The following BMPR1B variants were observed in gnomAD, a reference collection of about 807,000 sequenced individuals.
BMPR1B encodes bone morphogenetic protein receptor type 1B.
In BMPR1B, 12 loss-of-function variants were observed where a neutral mutation model predicts 59.1. The ratio of observed to expected loss-of-function variants is 0.20; its 90% CI spans 0.13 to 0.33. The LOEUF is 0.33. Among genes scored for constraint, BMPR1B ranks in the 10% least tolerant of loss-of-function variants. BMPR1B has a pLI of 1.00. For synonymous variants in BMPR1B, 237 were observed against 207.3 expected (o/e 1.14, Z -1.23); for missense variants, 550 against 610.9 (o/e 0.90, Z 1.05).
intron 3 of BMPR1B, among the ~76,000 whole-genome samples, chr4:95,076,025 G>A (rs1728681230): frequency 2.0e-5 from 3 of 152,078 alleles, no homozygotes; most frequent in South Asian, 2.1e-4. Flanking sequence ...ATATTTTTGT[G>A]TAAATACTAA....
chr4:94,775,488 A>G (rs1199339129), intron 1 of BMPR1B, among the ~76,000 whole-genome samples: 1 of 152,226 alleles, frequency 6.6e-6, no homozygotes, highest in Admixed American at 6.5e-5. Flanking sequence ...CCAATTTAAG[A>G]TATTTCCATC....
intron 10 of BMPR1B, among the ~76,000 whole-genome samples, chr4:95,140,033 C>T (rs894898413): frequency 5.7e-4 from 87 of 152,306 alleles, no homozygotes; most frequent in African/African-American, 2.0e-3. Context: ...GAGCTATAGA[C>T]TGGAGCTGTT....
At chr4:94,977,985 C>A (rs1195997566) in intron 2 of BMPR1B, among the ~76,000 whole-genome samples, 1 of 151,972 alleles carries the variant, frequency 6.6e-6, no homozygotes, top group Non-Finnish European at 1.5e-5. Flanking sequence ...TATTTTTTTT[C>A]TAGTACATAA....
intron 1 of BMPR1B, among the ~76,000 whole-genome samples, chr4:94,870,928 C>A (rs911735273): frequency 2.0e-5 from 3 of 151,974 alleles, no homozygotes; most frequent in African/African-American, 7.3e-5. Context: ...AGCTGAACAT[C>A]CCAAGTTCTC....
chr4:95,154,823 C>T lies in BMPR1B; in HGVS notation c.*150C>T, dbSNP rs1030233577. The T allele has an allele frequency of 2.6e-5, 28 of 1,082,002 alleles. No individual in the cohort carries two copies. The highest frequency in any genetic ancestry group is 3.3e-5 in the Non-Finnish European group (24 of 736,364). The allele number at this position is 1,082,002 out of a possible 1,614,324, so 67.0% of individuals were successfully genotyped here. On this transcript the variant is annotated 3_prime_UTR_variant, in exon 13 of 13. Transcript: ENST00000515059. ...GGTTCAGACCTCACCTCTCAGGGAG[C>T]GACCTGGGCAAAGACAGAGAAGCTC... is the stretch of plus-strand genomic sequence containing the variant.
At chr4:95,136,459 T>G (rs1733795323) in intron 10 of BMPR1B, among the ~76,000 whole-genome samples, 2 of 152,294 alleles carry the variant, frequency 1.3e-5, no homozygotes, top group South Asian at 4.1e-4. Flanking sequence ...CTCTTTCTGT[T>G]GATTGGAATA....
chr4:94,995,707 A>G (rs1175112001), intron 2 of BMPR1B: 3 of 152,192 alleles, frequency 2.0e-5, no homozygotes, highest in Non-Finnish European at 2.9e-5. Context: ...GGGCCTCAGG[A>G]AAGGCCCATA....
rs770040602 is a variant in BMPR1B, at chr4:94,765,001, C to T, written c.-183+6933C>T. 1.1e-3 allele frequency among the ~76,000 whole-genome samples: 172 copies of T among 152,110 alleles called. 1 individual carries two copies. Among genetic ancestry groups the T allele is most frequent in the Non-Finnish European group, 2.0e-3 (138 of 67,974 alleles). ...TAAACGGTGCAGCAGTAGAGAGTAA[C>T]GGGGGGACTATCATTTACTGAAGAT... On this transcript the variant is annotated intron_variant, in intron 1 of 12. Coordinates refer to ENST00000515059, the MANE Select transcript of BMPR1B (RefSeq NM_001203.3).
intron 1 of BMPR1B, among the ~76,000 whole-genome samples, chr4:94,780,736 T>A (rs1279612217): frequency 7.3e-6 from 1 of 137,478 alleles, no homozygotes; most frequent in Non-Finnish European, 1.5e-5. Context: ...TCGCCCAGGC[T>A]GGAGTGCAGT....
intron 1 of BMPR1B, among the ~76,000 whole-genome samples, chr4:94,816,227 A>C (rs1036782467): frequency 6.6e-6 from 1 of 152,122 alleles, no homozygotes; most frequent in East Asian, 1.9e-4. Flanking sequence ...GCTGACTGCA[A>C]CCTCTGCCTC....
chr4:94,932,886 A>G (rs1472049156), intron 2 of BMPR1B, among the ~76,000 whole-genome samples: 1 of 152,126 alleles, frequency 6.6e-6, no homozygotes, highest in Non-Finnish European at 1.5e-5. Context: ...GTTCTGATTC[A>G]TCCTGTATTC....
At chr4:95,088,354 G>C (rs1366012678) in intron 3 of BMPR1B, among the ~76,000 whole-genome samples, 1 of 152,010 alleles carries the variant, frequency 6.6e-6, no homozygotes. Context: ...GGCATAGTTG[G>C]GGGTGGGTAG....
chr4:95,143,284 T>G (rs1189385283), intron 10 of BMPR1B, among the ~76,000 whole-genome samples: 1 of 152,220 alleles, frequency 6.6e-6, no homozygotes, highest in Non-Finnish European at 1.5e-5. Flanking sequence ...AAAATCCTAC[T>G]TTTATTGTCA....
At chr4:95,043,323 A>T (rs1322866149) in intron 3 of BMPR1B, among the ~76,000 whole-genome samples, 1 of 152,056 alleles carries the variant, frequency 6.6e-6, no homozygotes, top group Non-Finnish European at 1.5e-5. Flanking sequence ...CTAAAGATCC[A>T]TGCAAGAATC....
intron 4 of BMPR1B, among the ~76,000 whole-genome samples, chr4:95,112,264 C>G (rs1003336716): frequency 6.6e-6 from 1 of 152,020 alleles, no homozygotes; most frequent in Non-Finnish European, 1.5e-5. Context: ...TTCCAACACT[C>G]TGGGAACGAG....
chr4:94,887,395 C>G (rs1295494559), intron 2 of BMPR1B, among the ~76,000 whole-genome samples: 1 of 132,934 alleles, frequency 7.5e-6, no homozygotes, highest in Non-Finnish European at 1.6e-5. Flanking sequence ...TTCACCCCCA[C>G]CCCCCACCAA....
At position 94,842,744 on chromosome 4, in the gene BMPR1B, T is replaced by C. The variant is rs1221321849; in HGVS notation, c.-182-33087T>C. The stretch of plus-strand genomic sequence containing the variant: ...TTGAGCTGCAGGACAATTTGAAAAC[T>C]AGAATTGAACTCTTAACCCCAGGTT... On this transcript the variant is annotated intron_variant, in intron 1 of 12. Transcript: ENST00000515059. Among the ~76,000 whole-genome samples, 4 of 152,212 alleles carry C rather than the reference T, an allele frequency of 2.6e-5. No homozygotes were observed. The East Asian group carries it at 7.7e-4, about 29-fold the overall frequency.
At chr4:94,852,298 T>C (rs1475587048) in intron 1 of BMPR1B, among the ~76,000 whole-genome samples, 2 of 152,136 alleles carry the variant, frequency 1.3e-5, no homozygotes, top group African/African-American at 4.8e-5. Context: ...TTTAAGTGAA[T>C]ATTTGGAAGA....
rs1459989932 is a variant in BMPR1B, at chr4:94,869,140, ACACT to A, written c.-182-6690_-182-6687del. Among the ~76,000 whole-genome samples the A allele has an allele frequency of 4.3e-3, 584 of 136,996 alleles. 2 individuals are homozygous for A. Among genetic ancestry groups the A allele is most frequent in the African/African-American group, 0.015 (564 of 36,904 alleles). 89.9% of individuals were successfully genotyped at this position (136,996 alleles called of 152,430 possible). A position where few individuals can be genotyped will look rare whatever the true frequency, so the allele number is the denominator to read the frequency against. On this transcript the variant is annotated intron_variant, in intron 1 of 12. Transcript: ENST00000515059. ...CACACACACACACACACACACACAC[ACACT>A]TTGCTTTAAAGGAAGAATAATAATT...
Sources: gnomAD v4.1 joint callset for allele counts (sites outside exome capture counted in the v4.1 genomes callset) on GRCh38, gnomAD v4.1.1 for gene constraint, MANE v1.5 for transcripts, NCBI Gene and HGNC (gene_info 2026-07-23, HGNC 2026-07-21) for gene names.